Variants in DAPK1 observed in about 807,000 individuals in gnomAD.
The protein encoded by DAPK1 is death associated protein kinase 1.
In DAPK1, 56 loss-of-function variants were observed where a neutral mutation model predicts 144.9. The observed-to-expected ratio is 0.39, with a 90% CI of 0.31 to 0.48. The LOEUF is 0.48. Among genes scored for constraint, DAPK1 ranks in the 20% least tolerant of loss-of-function variants. DAPK1 has a pLI of 0.95. For synonymous variants in DAPK1, 690 were observed against 749.0 expected, an observed-to-expected ratio of 0.92 and a Z score of 1.29; for missense variants, 1,454 against 1,875.4, an observed-to-expected ratio of 0.78 and a Z score of 4.15.
At chr9:87,567,405 G>A (rs886935762) in intron 2 of DAPK1, among the ~76,000 whole-genome samples, 1 of 152,068 alleles carries the variant, frequency 6.6e-6, no homozygotes, top group Admixed American at 6.6e-5. Context: ...GTAGGGAAGG[G>A]AATGGGGCGT....
At chr9:87,516,986 G>T (rs2378744) in intron 2 of DAPK1, among the ~76,000 whole-genome samples, 83,071 of 151,710 alleles carry the variant, frequency 0.55, 24,175 homozygotes, top group South Asian at 0.79. Flanking sequence ...CATAGAGGGG[G>T]GTCACCAGTA....
chr9:87,522,346 A>G (rs925944596), intron 2 of DAPK1, among the ~76,000 whole-genome samples: 1 of 152,148 alleles, frequency 6.6e-6, no homozygotes, highest in Admixed American at 6.5e-5. Context: ...AGATCATTCC[A>G]TATATATTCT....
chr9:87,560,605 C>T (rs1305787398), intron 2 of DAPK1, among the ~76,000 whole-genome samples: 1 of 151,178 alleles, frequency 6.6e-6, no homozygotes, highest in East Asian at 1.9e-4. Flanking sequence ...TTGTGACCTG[C>T]TTATTTCACT....
chr9:87,524,452 C>T (rs1227326495), intron 2 of DAPK1, among the ~76,000 whole-genome samples: 2 of 152,168 alleles, frequency 1.3e-5, no homozygotes, highest in African/African-American at 4.8e-5. Context: ...AGTTGGGAAG[C>T]ACACGCTTGA....
Position 87,646,081 on chromosome 9 carries a change from G to A in DAPK1, c.1131+67G>A, listed in dbSNP as rs376870365. On this transcript the variant is annotated intron_variant, in intron 12 of 25. Coordinates refer to ENST00000408954, the MANE Select transcript of DAPK1 (RefSeq NM_004938.4). ...GCGACCTTGCCCTTCCATATCCAAG[G>A]AAAGACCCCATCTGCTTCTCCATTC... is the stretch of plus-strand genomic sequence containing the variant. The A allele has an allele frequency of 3.2e-6, 5 of 1,558,466 alleles. No individual in the cohort carries two copies. In the South Asian group the frequency reaches 4.7e-5, roughly 15 times the overall value.
At chr9:87,547,722 C>T (rs944142857) in intron 2 of DAPK1, among the ~76,000 whole-genome samples, 3 of 151,710 alleles carry the variant, frequency 2.0e-5, no homozygotes, top group Admixed American at 6.6e-5. Context: ...GGGTGGAGAT[C>T]GGGGAGGAGT....
chr9:87,610,465 G>C (rs1208552175), intron 3 of DAPK1, among the ~76,000 whole-genome samples: 1 of 152,278 alleles, frequency 6.6e-6, no homozygotes, highest in East Asian at 1.9e-4. Context: ...AGAACTTAAA[G>C]TCGATGCTAT....
At position 87,703,095 on chromosome 9, in the gene DAPK1, A is replaced by T. The variant is rs374406913; in HGVS notation, c.2938A>T (p.Asn980Tyr). Residue 980 changes from asparagine to tyrosine, a missense_variant, in exon 25 of 26, where the codon AAT (asparagine) becomes TAT (tyrosine). Asn to Tyr is a moderately radical substitution (Grantham distance 143). Coordinates refer to ENST00000408954, the MANE Select transcript of DAPK1 (RefSeq NM_004938.4). ...CACGCTGCCTTCCTGGAGGAAGCTCAATGGACCCAACCAGCTGATGTCGCT... is the reference window on the plus strand; with the variant it reads ...CACGCTGCCTTCCTGGAGGAAGCTCTATGGACCCAACCAGCTGATGTCGCT... ...ISTLPSWRKLNGPNQLMSLQQ... is the reference protein window; with the variant it reads ...ISTLPSWRKLYGPNQLMSLQQ... 11 of 1,599,998 alleles carry T rather than the reference A, an allele frequency of 6.9e-6. No homozygotes were observed. The highest frequency in any genetic ancestry group is 9.4e-6 in the Non-Finnish European group (11 of 1,167,232).
intron 4 of DAPK1, among the ~76,000 whole-genome samples, 182 bp from the exon 5 acceptor site, chr9:87,639,172 C>T (rs1295540190): frequency 6.6e-6 from 1 of 152,080 alleles, no homozygotes; most frequent in Admixed American, 6.5e-5. Context: ...GAATCCTTGT[C>T]TCAGGCCTGC....
At chr9:87,527,231 C>G (rs1825545755) in intron 2 of DAPK1, among the ~76,000 whole-genome samples, 1 of 152,198 alleles carries the variant, frequency 6.6e-6, no homozygotes, top group African/African-American at 2.4e-5. Context: ...TTGCCCTTGA[C>G]TTATGTGCTC....
chr9:87,522,479 A>C (rs935034980), intron 2 of DAPK1, among the ~76,000 whole-genome samples: 1 of 152,180 alleles, frequency 6.6e-6, no homozygotes, highest in Non-Finnish European at 1.5e-5. Flanking sequence ...CTTGAAAATC[A>C]TTCCATTACT....
At chr9:87,560,186 G>A (rs2118645652) in intron 2 of DAPK1, among the ~76,000 whole-genome samples, 1 of 151,754 alleles carries the variant, frequency 6.6e-6, no homozygotes, top group South Asian at 2.1e-4. Flanking sequence ...AGTAGAGACG[G>A]GGTTTCGCCA....
At chr9:87,587,773 CA>C (rs764041913) in intron 2 of DAPK1, among the ~76,000 whole-genome samples, 124 of 152,378 alleles carry the variant, frequency 8.1e-4, no homozygotes, top group Non-Finnish European at 2.8e-4. Flanking sequence ...AGCCATTCAG[CA>C]GCCCTCGCTC....
intron 2 of DAPK1, among the ~76,000 whole-genome samples, chr9:87,556,110 C>T (rs1330726991): frequency 2.0e-5 from 3 of 152,154 alleles, no homozygotes; most frequent in African/African-American, 7.2e-5. Context: ...ATCTCCGTCA[C>T]CGAAACTCAT....
chr9:87,645,807 A>G, intron 11 of DAPK1, 88 bp from the exon 12 acceptor site: 1 of 1,518,830 alleles, frequency 6.6e-7, no homozygotes, highest in Non-Finnish European at 9.0e-7. Flanking sequence ...TGCCCCTGTT[A>G]ACAAGTGAGC....
intron 2 of DAPK1, among the ~76,000 whole-genome samples, chr9:87,519,212 A>C (rs1825199233): frequency 6.6e-6 from 1 of 152,210 alleles, no homozygotes; most frequent in Non-Finnish European, 1.5e-5. Context: ...CCTGGAGAGC[A>C]GGCAGCAATG....
intron 18 of DAPK1, 45 bp downstream of exon 18, chr9:87,658,172 C>T: frequency 1.3e-6 from 1 of 768,334 alleles, no homozygotes; most frequent in Non-Finnish European, 2.3e-6. Flanking sequence ...TGCTGGGAGC[C>T]TCTGGCGCCT....
Position 87,639,332 on chromosome 9 carries a change from TTATC to T in DAPK1, c.424-20_424-17del. ...AGCATAACATATCATAGCTTTTTAT[TTATC>T]TCTCTCTTTTTTTCAAGCCTGAGAA... On this transcript the variant is annotated intron_variant, in intron 4 of 25. Coordinates refer to ENST00000408954, the MANE Select transcript of DAPK1 (RefSeq NM_004938.4). 6.3e-7 allele frequency: 1 copy of T among 1,580,600 alleles called. No homozygotes were observed. Among genetic ancestry groups the T allele is most frequent in the Non-Finnish European group, 8.6e-7 (1 of 1,168,414 alleles).
At chr9:87,547,578 A>AGTGT (rs61564712) in intron 2 of DAPK1, among the ~76,000 whole-genome samples, 37 of 58,808 alleles carry the variant, frequency 6.3e-4, no homozygotes, top group Non-Finnish European at 1.2e-3. Context: ...AGAGAGAGAG[A>AGTGT]GTGTGTGTGT....
Sources: gnomAD v4.1 joint callset for allele counts (sites outside exome capture counted in the v4.1 genomes callset) on GRCh38, gnomAD v4.1.1 for gene constraint, MANE v1.5 for transcripts, NCBI Gene and HGNC (gene_info 2026-07-23, HGNC 2026-07-21) for gene names.